WHRN: variants seen among roughly 807,000 people sequenced by gnomAD.
WHRN encodes the protein CASK-interacting protein CIP98.
Under a neutral mutation model 68.3 loss-of-function variants are expected in WHRN, and 41 were observed. That is an observed-to-expected ratio of 0.60 (90% CI 0.47 to 0.78). WHRN has a LOEUF of 0.78. Ranked by LOEUF, WHRN falls within the 30% of genes least tolerant of loss-of-function variation. WHRN has a pLI of 0.00. For missense variants in WHRN, 1,243 were observed against 1,244.7 expected, an observed-to-expected ratio of 1.00 and a Z score of 0.02; for synonymous variants, 560 against 561.3, an observed-to-expected ratio of 1.00 and a Z score of 0.03.
intron 1 of WHRN, among the ~76,000 whole-genome samples, chr9:114,494,717 G>C (rs151183294): frequency 8.4e-4 from 128 of 152,280 alleles, no homozygotes; most frequent in African/African-American, 3.0e-3. Context: ...TGGCAATTTT[G>C]GAAAACAAAG....
At chr9:114,494,850 C>A (rs1267372822) in intron 1 of WHRN, among the ~76,000 whole-genome samples, 1 of 139,252 alleles carries the variant, frequency 7.2e-6, no homozygotes, top group Non-Finnish European at 1.6e-5. Flanking sequence ...TATTATCATA[C>A]AATGAGCAAC....
intron 3 of WHRN, among the ~76,000 whole-genome samples, chr9:114,452,347 G>A (rs560913290): frequency 2.6e-5 from 4 of 152,326 alleles, no homozygotes; most frequent in African/African-American, 9.6e-5. Context: ...AGTGGGGAGA[G>A]CTGGCTGGCC....
intron 7 of WHRN, among the ~76,000 whole-genome samples, chr9:114,411,545 G>A (rs979902871): frequency 1.3e-5 from 2 of 152,178 alleles, no homozygotes; most frequent in Non-Finnish European, 2.9e-5. Flanking sequence ...GCGCATCAGG[G>A]GCTTTGCACA....
intron 3 of WHRN, among the ~76,000 whole-genome samples, chr9:114,455,587 G>A (rs1361420589): frequency 6.6e-6 from 1 of 151,744 alleles, no homozygotes; most frequent in Non-Finnish European, 1.5e-5. Context: ...GGTGGTGCAT[G>A]CCTGTAGTCC....
intron 1 of WHRN, among the ~76,000 whole-genome samples, chr9:114,486,959 GTATATATATATATATATATATA>G (rs869241280): frequency 1.8e-3 from 9 of 5,030 alleles, no homozygotes; most frequent in African/African-American, 2.2e-3. Context: ...GTGTGTGTGT[GTATATATATATATATATATATA>G]TATATATATA....
At chr9:114,408,501 G>A (rs566756549) in intron 7 of WHRN, among the ~76,000 whole-genome samples, 2 of 152,222 alleles carry the variant, frequency 1.3e-5, no homozygotes, top group South Asian at 4.1e-4. Flanking sequence ...ACCTTATTTT[G>A]CAAAAAACGT....
In WHRN at chr9:114,414,738, G is replaced by A. The variant is rs915513896; in HGVS notation, c.1627-6720C>T. Reference sequence around the variant, plus strand: ...TCAGGCTCCAGGTAAAGCTGTGGCCGGCCTGAGAGGCTTTAATGCCTCTGG... The same window carrying A: ...TCAGGCTCCAGGTAAAGCTGTGGCCAGCCTGAGAGGCTTTAATGCCTCTGG... On this transcript the variant is annotated intron_variant, in intron 7 of 11. Transcript: ENST00000362057. Among the ~76,000 whole-genome samples, 8 of 152,320 alleles carry A rather than the reference G, an allele frequency of 5.3e-5. No homozygotes were observed. In the South Asian group the frequency reaches 1.0e-3, roughly 20 times the overall value.
At chr9:114,500,603 C>T (rs1161389917) in intron 1 of WHRN, among the ~76,000 whole-genome samples, 2 of 152,104 alleles carry the variant, frequency 1.3e-5, no homozygotes, top group African/African-American at 2.4e-5. Context: ...ATAAGGAAGC[C>T]GTTTAATTTT....
chr9:114,437,842 T>C (rs1195147764), intron 3 of WHRN, among the ~76,000 whole-genome samples: 1 of 152,210 alleles, frequency 6.6e-6, no homozygotes, highest in Admixed American at 6.5e-5. Context: ...AGAGAACACT[T>C]GCAATATATA....
In WHRN at chr9:114,474,457, C is replaced by G. The variant is rs572177067; in HGVS notation, c.837+4096G>C. On this transcript the variant is annotated intron_variant, in intron 2 of 11. Transcript: ENST00000362057. ...CCCACACACATTCCCAGCCCAGCAT[C>G]TCAGCCTGCAGGAGCTAACTCCATT... 2.0e-5 allele frequency among the ~76,000 whole-genome samples: 3 copies of G among 152,198 alleles called. No individual in the cohort carries two copies. The South Asian group carries it at 6.2e-4, about 32-fold the overall frequency.
At chr9:114,499,436 T>C (rs1843731957) in intron 1 of WHRN, among the ~76,000 whole-genome samples, 1 of 152,220 alleles carries the variant, frequency 6.6e-6, no homozygotes, top group Non-Finnish European at 1.5e-5. Flanking sequence ...CCTCCAGCCA[T>C]TTAATGTCAT....
chr9:114,466,150 C>T, intron 3 of WHRN, 117 bp downstream of exon 3: 1 of 1,528,694 alleles, frequency 6.5e-7, no homozygotes, highest in Non-Finnish European at 9.0e-7. Flanking sequence ...AGGGAGGGCT[C>T]CCCAGCTGGG....
chr9:114,473,543 C>T (rs1201872266), intron 2 of WHRN, among the ~76,000 whole-genome samples: 9 of 152,208 alleles, frequency 5.9e-5, no homozygotes, highest in African/African-American at 1.2e-4. Context: ...AATAATGACA[C>T]TATCTGTAAG....
rs4979387 is a variant in WHRN at position 114,424,397 on chromosome 9, A to G, written c.1353T>C (p.Gly451=). The G allele has an allele frequency of 0.77, 1,241,323 of 1,612,494 alleles. 480,003 individuals carry two copies. Among genetic ancestry groups the G allele is most frequent in the East Asian group, 0.95 (42,715 of 44,856 alleles). The change falls in exon 6 of 12, where the codon GGT becomes GGC. Residue 451 remains glycine, a synonymous_variant. Coordinates refer to ENST00000362057, the MANE Select transcript of WHRN (RefSeq NM_015404.4). ...TMAYYLDEYR[G]GSVSVEALVM... ...CGAGGGCCTCCACAGAGACGCTGCC[A>G]CCACGGTACTCATCCAGGTAGTAGG...
chr9:114,490,975 T>C (rs2133305060), intron 1 of WHRN, among the ~76,000 whole-genome samples: 1 of 152,286 alleles, frequency 6.6e-6, no homozygotes, highest in East Asian at 1.9e-4. Flanking sequence ...TTTATAAATG[T>C]TCTTTTAAGT....
At position 114,406,909 on chromosome 9, in the gene WHRN, C is replaced by A; in HGVS notation, c.1699-17G>T. On this transcript the variant is annotated splice_polypyrimidine_tract_variant and intron_variant, in intron 8 of 11. Transcript: ENST00000362057. ...GACATCATCCTGCCAAAAGACCCAACAGGCGGAGAAGGAGTCAGACCCCAT... is the reference window on the plus strand; with the variant it reads ...GACATCATCCTGCCAAAAGACCCAAAAGGCGGAGAAGGAGTCAGACCCCAT... 1 of 1,559,180 alleles carries A rather than the reference C, an allele frequency of 6.4e-7. No individual in the cohort carries two copies. The highest frequency in any genetic ancestry group is 8.7e-7 in the Non-Finnish European group (1 of 1,151,654).
intron 3 of WHRN, among the ~76,000 whole-genome samples, chr9:114,458,168 C>T (rs1839966323): frequency 6.6e-6 from 1 of 152,136 alleles, no homozygotes; most frequent in South Asian, 2.1e-4. Context: ...TGACAGCTGC[C>T]AGCAGGTGTC....
chr9:114,423,375 T>C lies in WHRN; in HGVS notation c.1565A>G (p.Tyr522Cys), dbSNP rs755519779. Residue 522 changes from tyrosine to cysteine, a missense_variant, in exon 7 of 12, where the codon TAC becomes TGC. Physicochemically the swap from Tyr to Cys is radical, Grantham distance 194. Transcript: ENST00000362057. Reference protein sequence around the residue: ...GAGDTYSMVSYSDTGSSTGSH... With the variant: ...GAGDTYSMVSCSDTGSSTGSH... The stretch of plus-strand genomic sequence containing the variant: ...GCCTGTGGATGAACCCGTGTCACTG[T>C]AGGAGACCATGGAGTAGGTGTCCCC... 8 of 1,613,938 alleles carry C rather than the reference T, an allele frequency of 5.0e-6. No individual in the cohort carries two copies. Among genetic ancestry groups the C allele is most frequent in the African/African-American group, 2.7e-5 (2 of 74,902 alleles).
chr9:114,495,777 A>G (rs907234827), intron 1 of WHRN, among the ~76,000 whole-genome samples: 13 of 152,308 alleles, frequency 8.5e-5, no homozygotes, highest in East Asian at 7.7e-4. Flanking sequence ...ATGATTCTCT[A>G]AAGAGAAAGA....
Sources: gnomAD v4.1 joint callset for allele counts (sites outside exome capture counted in the v4.1 genomes callset) on GRCh38, gnomAD v4.1.1 for gene constraint, MANE v1.5 for transcripts, NCBI Gene and HGNC (gene_info 2026-07-23, HGNC 2026-07-21) for gene names.